Variants in PCDHGA11 observed in about 807,000 individuals in gnomAD.
The protein encoded by PCDHGA11 is protocadherin gamma subfamily A, 11.
PCDHGA11 carries 39 observed loss-of-function variants against 60.4 expected under a neutral mutation model. The ratio of observed to expected loss-of-function variants is 0.65; its 90% CI spans 0.50 to 0.84. PCDHGA11 has a LOEUF of 0.84. Among genes scored for constraint, PCDHGA11 ranks in the 40% least tolerant of loss-of-function variants. The pLI is 0.00. For synonymous variants in PCDHGA11, 533 were observed against 510.3 expected, an observed-to-expected ratio of 1.04 and a Z score of -0.60; for missense variants, 1,165 against 1,197.7, an observed-to-expected ratio of 0.97 and a Z score of 0.40.
At chr5:141,478,256 A>G in intron 1 of PCDHGA11, 6 of 1,614,126 alleles carry the variant, frequency 3.7e-6, no homozygotes, top group Non-Finnish European at 5.1e-6. Flanking sequence ...CGGAGTAATC[A>G]TATTCAAAGT....
At chr5:141,454,428 CAG>C (rs1412897540) in intron 1 of PCDHGA11, among the ~76,000 whole-genome samples, 1 of 152,172 alleles carries the variant, frequency 6.6e-6, no homozygotes, top group Admixed American at 6.5e-5. Flanking sequence ...TATTTAGAGA[CAG>C]AGTTTCACTC....
rs1455759096 is a variant in PCDHGA11, at chr5:141,489,539, C to T, written c.2434-5268C>T. 6.2e-7 allele frequency: 1 copy of T among 1,613,980 alleles called. No individual in the cohort carries two copies. Among genetic ancestry groups the T allele is most frequent in the African/African-American group, 1.3e-5 (1 of 74,912 alleles). On this transcript the variant is annotated intron_variant, in intron 1 of 3. Coordinates refer to ENST00000398587, the MANE Select transcript of PCDHGA11 (RefSeq NM_018914.3). This position sits in a 1 kb window ranked among gnomAD's most constrained non-coding sequence, Gnocchi z 4.5. Reference sequence around the variant, plus strand: ...CGAGAAAGCCTATGTGGAGCCAGCACCAGCTGCCTGCTGCCAGTGCAGGTG... The same window carrying T: ...CGAGAAAGCCTATGTGGAGCCAGCATCAGCTGCCTGCTGCCAGTGCAGGTG...
At chr5:141,458,594 G>T (rs1226490392) in intron 1 of PCDHGA11, among the ~76,000 whole-genome samples, 1 of 151,612 alleles carries the variant, frequency 6.6e-6, no homozygotes, top group Non-Finnish European at 1.5e-5. Context: ...TTTTGGAGAC[G>T]AGTCTCACTC....
intron 1 of PCDHGA11, among the ~76,000 whole-genome samples, chr5:141,474,417 C>CCATT (rs1206525105): frequency 6.6e-6 from 1 of 152,222 alleles, no homozygotes; most frequent in East Asian, 1.9e-4. Context: ...GATGCCTAGA[C>CCATT]CATTGGTCCT....
intron 1 of PCDHGA11, chr5:141,427,047 C>T (rs1196561600): frequency 1.1e-5 from 5 of 457,294 alleles, no homozygotes; most frequent in Non-Finnish European, 1.8e-5. Flanking sequence ...GAATGTGCCC[C>T]CAGGCACCTC....
At position 141,476,580 on chromosome 5, in the gene PCDHGA11, C is replaced by T. The variant is rs1463314107; in HGVS notation, c.2434-18227C>T. 6 of 1,614,126 alleles carry T rather than the reference C, an allele frequency of 3.7e-6. No homozygotes were observed. Among genetic ancestry groups the T allele is most frequent in the Non-Finnish European group, 5.1e-6 (6 of 1,180,052 alleles). The stretch of plus-strand genomic sequence containing the variant: ...GCCGTGGCTCCGGGGACGCGCTTTC[C>T]GCTCGAGAGCGCGCACGATCCCGAT... On this transcript the variant is annotated intron_variant, in intron 1 of 3. Transcript: ENST00000398587. This position sits in a 1 kb window ranked among gnomAD's most constrained non-coding sequence, Gnocchi z 7.6.
intron 1 of PCDHGA11, among the ~76,000 whole-genome samples, chr5:141,482,689 C>T (rs145383957): frequency 7.1e-6 from 1 of 140,984 alleles, no homozygotes; most frequent in East Asian, 1.9e-4. Flanking sequence ...GCTTGTCAGA[C>T]AGTAAAGGGG....
Position 141,511,309 on chromosome 5 carries a change from G to C in PCDHGA11, c.*136G>C. The stretch of plus-strand genomic sequence containing the variant: ...GGGGCCAAGGCCATGCTCCCCTTGG[G>C]AAACAGAAACAAGTGCCCAGTCAGC... On this transcript the variant is annotated 3_prime_UTR_variant, in exon 4 of 4. Coordinates refer to ENST00000398587, the MANE Select transcript of PCDHGA11 (RefSeq NM_018914.3). 4.0e-6 allele frequency: 6 copies of C among 1,485,470 alleles called. No homozygotes were observed. Among genetic ancestry groups the C allele is most frequent in the Non-Finnish European group, 4.5e-6 (5 of 1,113,432 alleles). 92.0% of individuals were successfully genotyped at this position (1,485,470 alleles called of 1,614,324 possible).
intron 1 of PCDHGA11, among the ~76,000 whole-genome samples, chr5:141,467,772 C>A (rs972304213): frequency 1.3e-5 from 2 of 151,686 alleles, no homozygotes; most frequent in Admixed American, 6.6e-5. Flanking sequence ...AGTGCCCGCA[C>A]CTCAGCCTCT....
Position 141,490,369 on chromosome 5 carries a change from C to T in PCDHGA11, c.2434-4438C>T, listed in dbSNP as rs201347968. On this transcript the variant is annotated intron_variant, in intron 1 of 3. Transcript: ENST00000398587. This position sits in a 1 kb window ranked among gnomAD's most constrained non-coding sequence, Gnocchi z 5.4. ...AGTGGGGTTGTTTAATGTGCGAGAC[C>T]GGGACTCAGGTAGAAATGGTGAAGT... The T allele has an allele frequency of 4.0e-5, 64 of 1,614,090 alleles. No individual in the cohort carries two copies. In the Admixed American group the frequency reaches 6.0e-4, roughly 15 times the overall value.
intron 1 of PCDHGA11, chr5:141,426,987 G>C (rs867397302): frequency 1.3e-5 from 6 of 456,602 alleles, no homozygotes; most frequent in African/African-American, 1.2e-4. Context: ...TGATGCCAAC[G>C]ATAATGCCCC....
At chr5:141,434,119 C>T (rs2097673106) in intron 1 of PCDHGA11, among the ~76,000 whole-genome samples, 1 of 152,180 alleles carries the variant, frequency 6.6e-6, no homozygotes, top group Non-Finnish European at 1.5e-5. Flanking sequence ...GCCTTTGGGA[C>T]TCCCTTTAGG....
Position 141,441,858 on chromosome 5 carries a change from C to T in PCDHGA11, c.2433+18198C>T, listed in dbSNP as rs535716058. The T allele has an allele frequency of 6.0e-5, 21 of 349,416 alleles. No homozygotes were observed. The East Asian group carries it at 7.4e-4, about 12-fold the overall frequency. The allele number at this position is 349,416 out of a possible 1,614,324, so 21.6% of individuals were successfully genotyped here. On this transcript the variant is annotated intron_variant, in intron 1 of 3. Coordinates refer to ENST00000398587, the MANE Select transcript of PCDHGA11 (RefSeq NM_018914.3). ...TCGCGCTCTTGGATATGGTGCTGCA[C>T]GCCGCGGAGCCTGGCTACCTGGTCA...
rs771382434 is a variant in PCDHGA11, at chr5:141,422,165, A to G, written c.938A>G (p.Tyr313Cys). The change falls in exon 1 of 4, where the codon TAT becomes TGT. Residue 313 changes from tyrosine (Y) to cysteine (C), a missense_variant. Transcript: ENST00000398587. The stretch of plus-strand genomic sequence containing the variant: ...CGGGGGTCTCTGGATTTTGAAAAAT[A>G]TAGATTCTATGAGATGGAAATTCAA... ...QVRGSLDFEK[Y>C]RFYEMEIQGQ... The G allele has an allele frequency of 1.9e-6, 3 of 1,569,306 alleles. No individual in the cohort carries two copies. Among genetic ancestry groups the G allele is most frequent in the Admixed American group, 4.0e-5 (2 of 49,936 alleles).
At chr5:141,438,621 TATATATATATATATACAC>T (rs1369797568) in intron 1 of PCDHGA11, among the ~76,000 whole-genome samples, 6 of 41,386 alleles carry the variant, frequency 1.4e-4, no homozygotes, top group South Asian at 9.0e-4. Context: ...TATATATATA[TATATATATATATATACAC>T]ACACACACAC....
rs140056243 is a variant in PCDHGA11 at position 141,487,386 on chromosome 5, G to A, written c.2434-7421G>A. 21 of 1,614,046 alleles carry A rather than the reference G, an allele frequency of 1.3e-5. No individual in the cohort carries two copies. The highest frequency in any genetic ancestry group is 4.0e-5 in the African/African-American group (3 of 74,920). On this transcript the variant is annotated intron_variant, in intron 1 of 3. Coordinates refer to ENST00000398587, the MANE Select transcript of PCDHGA11 (RefSeq NM_018914.3). The surrounding 1 kb of genome is among the most constrained non-coding windows in gnomAD (Gnocchi z 5.0). Reference sequence around the variant, plus strand: ...ACCTGTGCCTGTCTCACCAGATCTCGAAGGAGGGAGGGGCTTCCCCCTTCC... The same window carrying A: ...ACCTGTGCCTGTCTCACCAGATCTCAAAGGAGGGAGGGGCTTCCCCCTTCC...
chr5:141,487,022 A>T lies in PCDHGA11; in HGVS notation c.2434-7785A>T. ...TCAGCTCCTGGAGGCCCCAGATCCC[A>T]GCCTGTTTGCAGTCTCTCGATATGC... On this transcript the variant is annotated intron_variant, in intron 1 of 3. Coordinates refer to ENST00000398587, the MANE Select transcript of PCDHGA11 (RefSeq NM_018914.3). The surrounding 1 kb of genome is among the most constrained non-coding windows in gnomAD (Gnocchi z 5.0). The T allele has an allele frequency of 1.2e-6, 2 of 1,614,212 alleles. No homozygotes were observed. Among genetic ancestry groups the T allele is most frequent in the Non-Finnish European group, 1.7e-6 (2 of 1,180,048 alleles).
chr5:141,483,892 A>C (rs1463395859), intron 1 of PCDHGA11, among the ~76,000 whole-genome samples: 1 of 151,652 alleles, frequency 6.6e-6, no homozygotes, highest in Non-Finnish European at 1.5e-5. Flanking sequence ...TATTTCTCTG[A>C]GCTCTGGTGT....
chr5:141,422,715 T>C lies in PCDHGA11; in HGVS notation c.1488T>C (p.Thr496=). The change falls in exon 1 of 4, where the codon ACT becomes ACC. Residue 496 remains threonine (T), a synonymous_variant. Transcript: ENST00000398587. ...ALVTYSLTDD[T]VQGVPLSSYV... is the part of the protein sequence containing the mutation. ...TCACTTACTCTCTGACGGATGACAC[T>C]GTCCAGGGGGTGCCTCTGTCCTCCT... 7 of 1,603,978 alleles carry C rather than the reference T, an allele frequency of 4.4e-6. No individual in the cohort carries two copies. The highest frequency in any genetic ancestry group is 1.3e-5 in the African/African-American group (1 of 74,950).
Sources: allele counts gnomAD v4.1 joint callset (sites outside exome capture counted in the v4.1 genomes callset), GRCh38; gene constraint gnomAD v4.1.1; non-coding constraint Gnocchi (gnomAD v3.1); transcripts MANE v1.5; gene names NCBI Gene and HGNC (gene_info 2026-07-23, HGNC 2026-07-21).